Variants in SGMS1 observed in about 807,000 individuals in gnomAD.
SGMS1 encodes the protein sphingomyelin synthase 1, also known as phosphatidylcholine:ceramide cholinephosphotransferase 1.
In SGMS1, 13 loss-of-function variants were observed where a neutral mutation model predicts 46.2. The observed-to-expected ratio is 0.28, with a 90% CI of 0.18 to 0.45. The LOEUF (loss-of-function observed/expected upper bound fraction) is 0.45. Ranked by LOEUF, SGMS1 falls within the 20% of genes least tolerant of loss-of-function variation. The pLI is 1.00. For missense variants in SGMS1, 324 were observed against 519.9 expected (o/e 0.62, Z 3.66); for synonymous variants, 203 against 187.8 (o/e 1.08, Z -0.66).
At chr10:50,475,974 G>T (rs1837422398) in intron 3 of SGMS1, among the ~76,000 whole-genome samples, 3 of 151,496 alleles carry the variant, frequency 2.0e-5, no homozygotes, top group Admixed American at 2.0e-4. Context: ...GTAGGGGATG[G>T]GTGCAGTGGC....
intron 6 of SGMS1, among the ~76,000 whole-genome samples, chr10:50,400,201 A>G (rs1337353962): frequency 6.6e-6 from 1 of 151,578 alleles, no homozygotes; most frequent in Non-Finnish European, 1.5e-5. Flanking sequence ...CAGTTGTCAA[A>G]AGATTCTGGA....
chr10:50,354,026 T>C (rs1359910984), intron 6 of SGMS1, among the ~76,000 whole-genome samples: 1 of 151,964 alleles, frequency 6.6e-6, no homozygotes, highest in Non-Finnish European at 1.5e-5. Flanking sequence ...CAAGGTAATT[T>C]ATAGATTCAA....
At chr10:50,614,849 C>T (rs1355528258) in intron 1 of SGMS1, among the ~76,000 whole-genome samples, 1 of 152,256 alleles carries the variant, frequency 6.6e-6, no homozygotes, top group Non-Finnish European at 1.5e-5. Context: ...CTTTTTCCTA[C>T]TTTCTTGGGC....
chr10:50,341,563 G>A (rs1847821445), intron 7 of SGMS1: 2 of 399,124 alleles, frequency 5.0e-6, no homozygotes, highest in African/African-American at 2.1e-5. Context: ...AAATGTAGTT[G>A]TATATATATA....
At chr10:50,457,371 C>A (rs942778205) in intron 5 of SGMS1, among the ~76,000 whole-genome samples, 2 of 152,070 alleles carry the variant, frequency 1.3e-5, no homozygotes, top group African/African-American at 2.4e-5. Flanking sequence ...ACCAAATTTT[C>A]TTTTTTTCCT....
chr10:50,570,190 C>T (rs1050662407), intron 2 of SGMS1, among the ~76,000 whole-genome samples: 5 of 152,160 alleles, frequency 3.3e-5, no homozygotes, highest in Admixed American at 2.6e-4. Flanking sequence ...ACTAATTGAA[C>T]CAGCCTTCCT....
At chr10:50,363,970 C>T (rs1308297102) in intron 6 of SGMS1, among the ~76,000 whole-genome samples, 2 of 151,844 alleles carry the variant, frequency 1.3e-5, no homozygotes, top group Non-Finnish European at 2.9e-5. Flanking sequence ...CTATTACTAA[C>T]ATTTTCAAAG....
intron 6 of SGMS1, among the ~76,000 whole-genome samples, chr10:50,365,775 T>C (rs1322054509): frequency 1.3e-5 from 2 of 152,242 alleles, no homozygotes; most frequent in African/African-American, 2.4e-5. Flanking sequence ...TTCCTTATTA[T>C]GGCTGCATAG....
At chr10:50,320,861 G>A (rs538249367) in intron 8 of SGMS1, among the ~76,000 whole-genome samples, 2 of 152,330 alleles carry the variant, frequency 1.3e-5, no homozygotes, top group Admixed American at 6.5e-5. Flanking sequence ...AGGTGCCTCC[G>A]GTGTCTGTGC....
intron 6 of SGMS1, among the ~76,000 whole-genome samples, chr10:50,416,464 T>C (rs1311664843): frequency 6.6e-6 from 1 of 152,220 alleles, no homozygotes; most frequent in Non-Finnish European, 1.5e-5. Flanking sequence ...TATACAACTA[T>C]TAGGTGAAAC....
At chr10:50,458,339 C>CTTTTTTTTTTTTTTTTTTTTTTTTTTTT (rs750349777) in intron 5 of SGMS1, among the ~76,000 whole-genome samples, 1 of 97,140 alleles carries the variant, frequency 1.0e-5, no homozygotes. Flanking sequence ...TTCTTTTTCT[C>CTTTTTTTTTTTTTTTTTTTTTTTTTTTT]TTTTTTTTTT....
chr10:50,424,313 TC>T (rs982049870), intron 6 of SGMS1, among the ~76,000 whole-genome samples: 1 of 152,218 alleles, frequency 6.6e-6, no homozygotes, highest in African/African-American at 2.4e-5. Context: ...GAAAAATATT[TC>T]TCTAGGTAGG....
chr10:50,515,351 G>GT (rs1837791915), intron 3 of SGMS1, among the ~76,000 whole-genome samples: 1 of 152,158 alleles, frequency 6.6e-6, no homozygotes, highest in African/African-American at 2.4e-5. Context: ...TCTCTGCATT[G>GT]TTTTGATACG....
At chr10:50,536,132 G>C (rs908022117) in intron 2 of SGMS1, among the ~76,000 whole-genome samples, 3 of 151,972 alleles carry the variant, frequency 2.0e-5, no homozygotes, top group African/African-American at 7.3e-5. Context: ...CCAGGAGTTT[G>C]AGACCAGCCT....
chr10:50,372,642 C>A (rs2842108), intron 6 of SGMS1, among the ~76,000 whole-genome samples: 286 of 151,878 alleles, frequency 1.9e-3, no homozygotes, highest in Non-Finnish European at 3.3e-3. Flanking sequence ...GCAGTGAGCC[C>A]AGATCATGCC....
chr10:50,451,666 GA>G (rs962838863), intron 5 of SGMS1, among the ~76,000 whole-genome samples: 1 of 151,708 alleles, frequency 6.6e-6, no homozygotes, highest in South Asian at 2.1e-4. Flanking sequence ...GGATTCTGAA[GA>G]AAAAAAACTA....
chr10:50,475,011 A>AT (rs934375988), intron 3 of SGMS1, among the ~76,000 whole-genome samples: 3 of 152,224 alleles, frequency 2.0e-5, no homozygotes, highest in African/African-American at 7.2e-5. Flanking sequence ...CTCCAAAAGC[A>AT]TTTTTTTAAA....
At chr10:50,334,856 G>T (rs1436212) in intron 7 of SGMS1, 24,889 of 152,254 alleles carry the variant, frequency 0.16, 2,246 homozygotes, top group East Asian at 0.27. Flanking sequence ...AAAACTAAGT[G>T]AGAGTCTCAC....
intron 2 of SGMS1, among the ~76,000 whole-genome samples, chr10:50,558,553 C>T (rs879722862): frequency 3.3e-5 from 5 of 152,130 alleles, no homozygotes; most frequent in Admixed American, 2.0e-4. Context: ...CAGTGTTCAA[C>T]GACATGAAAT....
Sources: allele counts gnomAD v4.1 joint callset (sites outside exome capture counted in the v4.1 genomes callset), GRCh38; gene constraint gnomAD v4.1.1; transcripts MANE v1.5; gene names NCBI Gene and HGNC (gene_info 2026-07-23, HGNC 2026-07-21).